Variants in ICA1 observed in about 807,000 individuals in gnomAD.
ICA1 encodes islet cell autoantigen 1.
Under a neutral mutation model 71.0 loss-of-function variants are expected in ICA1, and 40 were observed. That is an observed-to-expected ratio of 0.56 (90% CI 0.44 to 0.73). ICA1 has a LOEUF of 0.73. ICA1 is among the 30% of genes least tolerant of loss of function. The pLI, the probability that ICA1 is intolerant of heterozygous loss-of-function variation, is 0.00. For synonymous variants in ICA1, 207 were observed against 209.5 expected (o/e 0.99, Z 0.10); for missense variants, 578 against 576.5 (o/e 1.00, Z -0.03).
chr7:8,162,115 G>A (rs1467863391), intron 6 of ICA1, among the ~76,000 whole-genome samples: 4 of 152,054 alleles, frequency 2.6e-5, no homozygotes, highest in Admixed American at 2.6e-4. Flanking sequence ...TTTCCTTTAC[G>A]TTAACATAAT....
In ICA1 at chr7:8,132,919, T is replaced by C. The variant is rs186292408; in HGVS notation, c.1061-4777A>G. Among the ~76,000 whole-genome samples the C allele has an allele frequency of 1.2e-3, 189 of 152,362 alleles. 1 individual carries two copies. The highest frequency in any genetic ancestry group is 4.3e-3 in the African/African-American group (180 of 41,586). ...GCTGGTGCTCCATAGAGGAACCCTC[T>C]TACTGTGTATCTTTGCTTAGTCTGT... is the stretch of plus-strand genomic sequence containing the variant. On this transcript the variant is annotated intron_variant, in intron 12 of 13. Transcript: ENST00000402384. The surrounding 1 kb of genome is among the most constrained non-coding windows in gnomAD (Gnocchi z 4.5).
chr7:8,210,858 G>T (rs749498341), intron 6 of ICA1, among the ~76,000 whole-genome samples: 1 of 152,130 alleles, frequency 6.6e-6, no homozygotes, highest in African/African-American at 2.4e-5. Context: ...GATTACAGAC[G>T]TGCACCACCA....
intron 6 of ICA1, among the ~76,000 whole-genome samples, chr7:8,163,848 C>T (rs1174054316): frequency 6.6e-6 from 1 of 152,172 alleles, no homozygotes; most frequent in South Asian, 2.1e-4. Flanking sequence ...GGGGCACATC[C>T]TGGAGCAGCA....
At chr7:8,155,521 G>A (rs1399823774) in intron 8 of ICA1, among the ~76,000 whole-genome samples, 7 of 152,182 alleles carry the variant, frequency 4.6e-5, no homozygotes. Flanking sequence ...TACTTTATAT[G>A]CAACTAACTC....
At chr7:8,248,678 T>C (rs1260796835) in intron 1 of ICA1, among the ~76,000 whole-genome samples, 1 of 152,200 alleles carries the variant, frequency 6.6e-6, no homozygotes, top group African/African-American at 2.4e-5. Flanking sequence ...ATCATGCCAC[T>C]GCACTCCAGC....
intron 6 of ICA1, among the ~76,000 whole-genome samples, chr7:8,216,566 AC>A (rs751000921): frequency 9.7e-5 from 14 of 143,734 alleles, no homozygotes; most frequent in Non-Finnish European, 4.5e-5. Flanking sequence ...GTTAGTAACC[AC>A]CCCCACAAAA....
At chr7:8,228,148 G>C (rs1436623326) in intron 4 of ICA1, among the ~76,000 whole-genome samples, 1 of 152,112 alleles carries the variant, frequency 6.6e-6, no homozygotes, top group Non-Finnish European at 1.5e-5. Flanking sequence ...TGAAAATATT[G>C]TTCTGTAGGA....
At chr7:8,161,053 T>G (rs189230904) in intron 6 of ICA1, among the ~76,000 whole-genome samples, 8 of 152,292 alleles carry the variant, frequency 5.3e-5, no homozygotes, top group African/African-American at 1.9e-4. Flanking sequence ...AGCCTTTTCC[T>G]ACAAAGGGGA....
intron 6 of ICA1, among the ~76,000 whole-genome samples, chr7:8,208,978 A>T (rs1243208505): frequency 6.6e-6 from 1 of 152,202 alleles, no homozygotes; most frequent in African/African-American, 2.4e-5. Flanking sequence ...GGTTCCACTC[A>T]GTAAAACCTG....
chr7:8,166,145 C>T (rs1278174357), intron 6 of ICA1, among the ~76,000 whole-genome samples: 1 of 152,112 alleles, frequency 6.6e-6, no homozygotes, highest in African/African-American at 2.4e-5. Context: ...GTAACCAAAA[C>T]AGCATATTGG....
intron 5 of ICA1, among the ~76,000 whole-genome samples, chr7:8,221,062 T>G (rs189853075): frequency 1.6e-3 from 250 of 151,858 alleles, no homozygotes; most frequent in Non-Finnish European, 2.8e-3. Context: ...TGAAAAAAAA[T>G]TTTTTTTAAT....
chr7:8,231,384 T>C (rs1800238370), intron 3 of ICA1, among the ~76,000 whole-genome samples: 1 of 152,162 alleles, frequency 6.6e-6, no homozygotes, highest in African/African-American at 2.4e-5. Context: ...GCAGTCTAAA[T>C]GGTTCCTGAG....
At chr7:8,172,291 T>A (rs1584877862) in intron 6 of ICA1, among the ~76,000 whole-genome samples, 1 of 152,110 alleles carries the variant, frequency 6.6e-6, no homozygotes, top group Non-Finnish European at 1.5e-5. Flanking sequence ...GATTGTTATA[T>A]CCTTTTTATA....
At chr7:8,128,180 G>A in intron 12 of ICA1, 38 bp from the exon 13 acceptor site, 1 of 1,599,174 alleles carries the variant, frequency 6.3e-7, no homozygotes, top group South Asian at 1.1e-5. Flanking sequence ...TCACCACGGA[G>A]GGCTCAAGCC....
intron 10 of ICA1, among the ~76,000 whole-genome samples, chr7:8,139,594 G>C (rs779139735): frequency 2.0e-5 from 3 of 152,184 alleles, no homozygotes; most frequent in Non-Finnish European, 2.9e-5. Context: ...TATAATGGTA[G>C]ATATATATCA....
intron 6 of ICA1, among the ~76,000 whole-genome samples, chr7:8,203,574 C>G (rs1725456780): frequency 6.6e-6 from 1 of 152,098 alleles, no homozygotes; most frequent in Non-Finnish European, 1.5e-5. Context: ...CCCCAGGCCT[C>G]CAGAATCAAA....
In ICA1 at chr7:8,223,060, C is replaced by T. The variant is rs6944813; in HGVS notation, c.257-1662G>A. 0.18 allele frequency among the ~76,000 whole-genome samples: 26,953 copies of T among 152,204 alleles called. 6,636 individuals are homozygous for T. Among genetic ancestry groups the T allele is most frequent in the African/African-American group, 0.56 (23,113 of 41,478 alleles). On this transcript the variant is annotated intron_variant, in intron 4 of 13. Transcript: ENST00000402384. The surrounding 1 kb of genome is among the most constrained non-coding windows in gnomAD (Gnocchi z 4.1). ...AATACTTATTGCCTTTTAATACTCACGCCATGGTTCTATGTAGCTTTTTAA... is the reference window on the plus strand; with the variant it reads ...AATACTTATTGCCTTTTAATACTCATGCCATGGTTCTATGTAGCTTTTTAA...
At chr7:8,200,779 A>G (rs1224469415) in intron 6 of ICA1, among the ~76,000 whole-genome samples, 2 of 152,230 alleles carry the variant, frequency 1.3e-5, no homozygotes, top group Non-Finnish European at 2.9e-5. Context: ...TGAGCTGGTA[A>G]TCCTGGATCC....
chr7:8,260,485 A>G (rs901042604), intron 1 of ICA1, among the ~76,000 whole-genome samples: 14 of 152,206 alleles, frequency 9.2e-5, no homozygotes, highest in Non-Finnish European at 5.9e-5. Context: ...GTTTTTTAAC[A>G]TCAGGTCTCT....
Sources: gnomAD v4.1 joint callset for allele counts (sites outside exome capture counted in the v4.1 genomes callset) on GRCh38, gnomAD v4.1.1 for gene constraint, Gnocchi (gnomAD v3.1) non-coding constraint, MANE v1.5 for transcripts, NCBI Gene and HGNC (gene_info 2026-07-23, HGNC 2026-07-21) for gene names.